MYT1L: variants seen among roughly 807,000 people sequenced by gnomAD.
MYT1L encodes the protein myelin transcription factor 1-like protein.
A neutral mutation model predicts 126.7 loss-of-function variants in MYT1L; 12 were observed. The ratio of observed to expected loss-of-function variants is 0.09; its 90% CI spans 0.06 to 0.15. The LOEUF (loss-of-function observed/expected upper bound fraction) is 0.15. Ranked by LOEUF, MYT1L falls within the 10% of genes least tolerant of loss-of-function variation. MYT1L has a pLI of 1.00. For missense variants in MYT1L, 979 were observed against 1,585.2 expected, an observed-to-expected ratio of 0.62 and a Z score of 6.49; for synonymous variants, 541 against 604.2, an observed-to-expected ratio of 0.90 and a Z score of 1.53.
Position 1,903,258 on chromosome 2 carries a change from C to T in MYT1L, c.1854G>A (p.Gln618=). The T allele has an allele frequency of 5.6e-6, 9 of 1,613,818 alleles. No homozygotes were observed. Among genetic ancestry groups the T allele is most frequent in the Non-Finnish European group, 7.6e-6 (9 of 1,179,800 alleles). The stretch of plus-strand genomic sequence containing the variant: ...TGGGGACATTGTTTCTGTAGCCATA[C>T]TGAGGAATCTCCAGCTGCTTCACAA... ...MCFVKQLEIP[Q]YGYRNNVPTT... is the part of the protein sequence containing the mutation. The change falls in exon 14 of 25, where the codon CAG becomes CAA. Residue 618 remains glutamine (Q), a synonymous_variant. Transcript: ENST00000647738.
intron 19 of MYT1L, among the ~76,000 whole-genome samples, chr2:1,847,514 G>A (rs552992286): frequency 3.5e-4 from 53 of 152,270 alleles, no homozygotes; most frequent in Middle Eastern, 6.8e-3. Context: ...CCCTGGGCAG[G>A]CCTGTCTGGC....
chr2:1,943,241 T>C lies in MYT1L; in HGVS notation c.246A>G (p.Ala82=). 1 of 1,554,808 alleles carries C rather than the reference T, an allele frequency of 6.4e-7. No individual in the cohort carries two copies. Among genetic ancestry groups the C allele is most frequent in the East Asian group, 2.4e-5 (1 of 41,356 alleles). ...APKRKPFAVK[A]DSSSVDECDD... ...CACACTCATCCACTGAGGAGCTGTC[T>C]GCTTTCACGGCAAATGGCTTTCGTT... is the stretch of plus-strand genomic sequence containing the variant. The change falls in exon 9 of 25, where the codon GCA becomes GCG. Residue 82 remains alanine (A), a synonymous_variant. Transcript: ENST00000647738. The surrounding 1 kb of genome is among the most constrained non-coding windows in gnomAD (Gnocchi z 4.4).
intron 3 of MYT1L, among the ~76,000 whole-genome samples, chr2:2,088,997 T>G (rs540629995): frequency 6.6e-6 from 1 of 152,316 alleles, no homozygotes; most frequent in South Asian, 2.1e-4. Context: ...CTGTTAAGTT[T>G]TAAAAGACAT....
intron 1 of MYT1L, among the ~76,000 whole-genome samples, chr2:2,295,635 C>G (rs1048042049): frequency 2.7e-3 from 20 of 7,310 alleles, no homozygotes; most frequent in Admixed American, 7.4e-3. Context: ...GACAGACAGA[C>G]AGAGAGAGAG....
At chr2:2,187,214 C>T (rs554716043) in intron 2 of MYT1L, among the ~76,000 whole-genome samples, 1 of 152,066 alleles carries the variant, frequency 6.6e-6, no homozygotes, top group South Asian at 2.1e-4. Context: ...ATGAGCTTCC[C>T]CCAGCCATCA....
At chr2:1,930,571 GGCA>G (rs2054824398) in intron 9 of MYT1L, among the ~76,000 whole-genome samples, 1 of 152,202 alleles carries the variant, frequency 6.6e-6, no homozygotes, top group Non-Finnish European at 1.5e-5. Context: ...AGGTCCTGCG[GGCA>G]GAAGCGTCGG....
intron 19 of MYT1L, among the ~76,000 whole-genome samples, chr2:1,844,959 G>A (rs1321760405): frequency 2.0e-5 from 3 of 150,318 alleles, no homozygotes; most frequent in African/African-American, 7.4e-5. Flanking sequence ...TCATTTCTTA[G>A]GATTTGGATC....
intron 5 of MYT1L, among the ~76,000 whole-genome samples, chr2:1,995,870 G>T (rs1278894444): frequency 6.6e-6 from 1 of 152,210 alleles, no homozygotes; most frequent in Non-Finnish European, 1.5e-5. Context: ...TGCCCCAGGG[G>T]ACAGAGGCAA....
In MYT1L at chr2:2,005,986, G is replaced by T. The variant is rs554312496; in HGVS notation, c.-157-8639C>A. On this transcript the variant is annotated intron_variant, in intron 4 of 24. Coordinates refer to ENST00000647738, the MANE Select transcript of MYT1L (RefSeq NM_001303052.2). ...TTCTTTCCTGCAGGTGTTCTTTCCT[G>T]CATGCGTTCTTTCCTGCATGCATTC... 1.8e-4 allele frequency among the ~76,000 whole-genome samples: 26 copies of T among 147,172 alleles called. No individual in the cohort carries two copies. The South Asian group carries it at 5.3e-3, about 30-fold the overall frequency.
intron 1 of MYT1L, chr2:2,303,652 T>C (rs1410015974): frequency 6.6e-6 from 1 of 152,144 alleles, no homozygotes; most frequent in African/African-American, 2.4e-5. Flanking sequence ...GCACACATCT[T>C]AGAGGACACC....
intron 1 of MYT1L, among the ~76,000 whole-genome samples, chr2:2,323,229 G>T (rs1421054265): frequency 6.6e-6 from 1 of 151,938 alleles, no homozygotes; most frequent in African/African-American, 2.4e-5. Context: ...TTTTTAAACA[G>T]AAAATTTTCC....
chr2:2,190,195 GC>G (rs143721935), intron 2 of MYT1L, among the ~76,000 whole-genome samples: 5,481 of 152,254 alleles, frequency 0.036, 340 homozygotes, highest in African/African-American at 0.13. Flanking sequence ...AGTGGCTCAT[GC>G]CTGTAGTCCC....
intron 3 of MYT1L, among the ~76,000 whole-genome samples, chr2:2,141,393 A>T (rs1296374107): frequency 6.6e-6 from 1 of 152,194 alleles, no homozygotes; most frequent in African/African-American, 2.4e-5. Context: ...GACTTTTAGG[A>T]TGCCCTACCC....
rs150005238 is a variant in MYT1L at position 2,097,129 on chromosome 2, T to TCAG, written c.-303-43007_-303-43006insCTG. 8.7e-3 allele frequency among the ~76,000 whole-genome samples: 1,331 copies of TCAG among 152,238 alleles called. 23 individuals carry two copies. Among genetic ancestry groups the TCAG allele is most frequent in the African/African-American group, 0.031 (1,281 of 41,538 alleles). ...CTTCCCTGGCCTCCTTCCCATTGCT[T>TCAG]TAAACCCAGTGTTCATTGCTCCGTG... On this transcript the variant is annotated intron_variant, in intron 3 of 24. Transcript: ENST00000647738.
intron 4 of MYT1L, among the ~76,000 whole-genome samples, chr2:2,044,563 C>T (rs2067941026): frequency 6.6e-6 from 1 of 152,208 alleles, no homozygotes; most frequent in South Asian, 2.1e-4. Flanking sequence ...CTCTTAGATG[C>T]AGCCTGAGAC....
At chr2:1,964,705 G>T (rs934916795) in intron 8 of MYT1L, among the ~76,000 whole-genome samples, 15 of 152,158 alleles carry the variant, frequency 9.9e-5, no homozygotes, top group African/African-American at 3.6e-4. Context: ...AAGGACCTAA[G>T]AATAATATAA....
chr2:2,192,247 A>G (rs1285695703), intron 2 of MYT1L, among the ~76,000 whole-genome samples: 1 of 152,258 alleles, frequency 6.6e-6, no homozygotes, highest in Non-Finnish European at 1.5e-5. Flanking sequence ...CTCGGAGTGC[A>G]GTCTGGCGGA....
At chr2:2,038,423 C>G (rs1386605210) in intron 4 of MYT1L, among the ~76,000 whole-genome samples, 1 of 152,166 alleles carries the variant, frequency 6.6e-6, no homozygotes, top group Non-Finnish European at 1.5e-5. Flanking sequence ...TTGGATTCCC[C>G]TGACTTCTCC....
At chr2:1,899,558 T>C (rs2050067680) in intron 14 of MYT1L, among the ~76,000 whole-genome samples, 2 of 152,196 alleles carry the variant, frequency 1.3e-5, no homozygotes, top group African/African-American at 4.8e-5. Flanking sequence ...ATAGACAACG[T>C]GAAGCCCCTT....
Sources: allele counts gnomAD v4.1 joint callset (sites outside exome capture counted in the v4.1 genomes callset), GRCh38; gene constraint gnomAD v4.1.1; non-coding constraint Gnocchi (gnomAD v3.1); transcripts MANE v1.5; gene names NCBI Gene and HGNC (gene_info 2026-07-23, HGNC 2026-07-21).